The following TRIM55 variants were observed in gnomAD, a reference collection of about 807,000 sequenced individuals.
TRIM55 encodes the protein tripartite motif containing 55.
In TRIM55, 50 loss-of-function variants were observed where a neutral mutation model predicts 60.9. That is an observed-to-expected ratio of 0.82 (90% CI 0.65 to 1.04). The LOEUF is 1.04. Ranked by LOEUF, TRIM55 falls within the 50% of genes least tolerant of loss-of-function variation. TRIM55 has a pLI of 0.00. For synonymous variants in TRIM55, 237 were observed against 238.1 expected (o/e 1.00, Z 0.04); for missense variants, 681 against 666.9 (o/e 1.02, Z -0.23).
At chr8:66,124,439 C>T (rs954495631), upstream of TRIM55, among the ~76,000 whole-genome samples, 1 of 152,190 alleles carries the variant, frequency 6.6e-6, no homozygotes, top group African/African-American at 2.4e-5. Flanking sequence ...CTGAGATCCC[C>T]TGCATGCCTG....
upstream of TRIM55, among the ~76,000 whole-genome samples, chr8:66,121,986 A>C (rs1393589211): frequency 6.6e-6 from 1 of 152,160 alleles, no homozygotes; most frequent in African/African-American, 2.4e-5. Flanking sequence ...TTTGGGAGTG[A>C]ATAAAATGTT....
At chr8:66,127,551 G>C (rs992690184) in intron 1 of TRIM55, 115 bp downstream of exon 1, 30 of 1,302,640 alleles carry the variant, frequency 2.3e-5, no homozygotes, top group Admixed American at 9.7e-5. Flanking sequence ...AGGTTGCCGG[G>C]CGCTTTGGCT....
chr8:66,152,839 C>T (rs950144410), intron 8 of TRIM55, among the ~76,000 whole-genome samples: 3 of 151,384 alleles, frequency 2.0e-5, no homozygotes, highest in African/African-American at 7.3e-5. Flanking sequence ...TGTTAGTTAA[C>T]AAAATTTAAT....
intron 9 of TRIM55, among the ~76,000 whole-genome samples, chr8:66,156,907 A>C (rs1398033331): frequency 4.6e-5 from 7 of 152,174 alleles, no homozygotes; most frequent in Admixed American, 4.6e-4. Flanking sequence ...TCAGCTGCCC[A>C]ACTCCTTCAG....
intron 9 of TRIM55, among the ~76,000 whole-genome samples, chr8:66,168,299 ACCATGG>A (rs773293204): frequency 1.5e-4 from 23 of 152,174 alleles, no homozygotes; most frequent in East Asian, 1.9e-4. Context: ...GTTACTTCTC[ACCATGG>A]GTGACTGGCC....
At chr8:66,163,765 T>C (rs972264496) in intron 9 of TRIM55, among the ~76,000 whole-genome samples, 5 of 152,240 alleles carry the variant, frequency 3.3e-5, no homozygotes, top group East Asian at 1.9e-4. Flanking sequence ...TTGGGCATGG[T>C]GTTCTGTACC....
At chr8:66,168,137 C>G (rs1370113455) in intron 9 of TRIM55, among the ~76,000 whole-genome samples, 1 of 152,216 alleles carries the variant, frequency 6.6e-6, no homozygotes, top group Non-Finnish European at 1.5e-5. Context: ...TGTATTTTCA[C>G]AGCTCTACAT....
At chr8:66,132,562 A>G (rs930268912) in intron 2 of TRIM55, among the ~76,000 whole-genome samples, 4 of 152,222 alleles carry the variant, frequency 2.6e-5, no homozygotes, top group African/African-American at 7.2e-5. Flanking sequence ...CAGAGACCAG[A>G]GACAGCAGGC....
chr8:66,128,591 G>GA, intron 2 of TRIM55, 115 bp downstream of exon 2: 2 of 1,203,840 alleles, frequency 1.7e-6, no homozygotes, highest in Non-Finnish European at 1.1e-6. Flanking sequence ...CTGTTTTATG[G>GA]AAAAATGGTT....
upstream of TRIM55, among the ~76,000 whole-genome samples, chr8:66,123,210 A>G (rs1455778532): frequency 2.0e-5 from 3 of 152,180 alleles, no homozygotes; most frequent in African/African-American, 7.2e-5. Flanking sequence ...AAATCTACCT[A>G]TGACCTGGAA....
intron 4 of TRIM55, among the ~76,000 whole-genome samples, chr8:66,145,996 G>A (rs1810076179): frequency 6.6e-6 from 1 of 152,166 alleles, no homozygotes; most frequent in Admixed American, 6.5e-5. Context: ...GCTCTGCTGG[G>A]TTTCAGTTTC....
the TRIM55 span, among the ~76,000 whole-genome samples, chr8:66,114,208 T>C: frequency 2.1e-4 from 32 of 151,108 alleles, no homozygotes; most frequent in African/African-American, 2.4e-5. Context: ...GCTCAAATGG[T>C]AGAGCGCTCG....
At chr8:66,147,046 A>C (rs893210235) in intron 4 of TRIM55, among the ~76,000 whole-genome samples, 1 of 152,226 alleles carries the variant, frequency 6.6e-6, no homozygotes, top group Non-Finnish European at 1.5e-5. Flanking sequence ...AAAGGGTTGG[A>C]CAAAGATTCC....
intron 2 of TRIM55, among the ~76,000 whole-genome samples, chr8:66,134,608 C>G (rs959464219): frequency 6.6e-6 from 1 of 152,164 alleles, no homozygotes; most frequent in Non-Finnish European, 1.5e-5. Context: ...TGCTGGACCA[C>G]GTTCCTGATG....
intron 4 of TRIM55, among the ~76,000 whole-genome samples, chr8:66,139,156 A>G (rs1316440759): frequency 3.3e-5 from 5 of 152,214 alleles, no homozygotes; most frequent in African/African-American, 1.2e-4. Context: ...GCAAAATACA[A>G]TTTGGTCATA....
upstream of TRIM55, among the ~76,000 whole-genome samples, chr8:66,122,644 G>T (rs541786632): frequency 2.6e-5 from 4 of 152,248 alleles, no homozygotes; most frequent in East Asian, 7.7e-4. Flanking sequence ...CTCACTGATG[G>T]ATGCCCCTTC....
Position 66,149,645 on chromosome 8 carries a change from G to C in TRIM55, c.604G>C (p.Glu202Gln), listed in dbSNP as rs781317462. The C allele has an allele frequency of 3.7e-6, 6 of 1,611,640 alleles. No individual in the cohort carries two copies. The highest frequency in any genetic ancestry group is 5.1e-6 in the Non-Finnish European group (6 of 1,177,842). ...TAACATTAGCTAACCCAACTAATAG[G>C]AATGTTGCAGAAAACAGAAACAAGA... Reference protein sequence around the residue: ...QLEDTCKTIEECCRKQKQELC... With the variant: ...QLEDTCKTIEQCCRKQKQELC... Residue 202 changes from glutamate (E) to glutamine (Q), a missense_variant and splice_region_variant, in exon 5 of 10, where the codon GAA becomes CAA. Transcript: ENST00000315962.
rs888728943 is a variant in TRIM55 at position 66,149,725 on chromosome 8, A to G, written c.684A>G (p.Glu228=). The change falls in exon 5 of 10, where the codon GAA becomes GAG. Residue 228 remains glutamate (E), a synonymous_variant. Transcript: ENST00000315962. ...LYGILEERKN[E]MTQVITRTQE... is the part of the protein sequence containing the mutation. ...GCATTTTGGAGGAGAGGAAGAATGA[A>G]ATGACCCAAGTCATTACCCGAACCC... The G allele has an allele frequency of 5.6e-6, 9 of 1,614,196 alleles. No individual in the cohort carries two copies. The highest frequency in any genetic ancestry group is 1.7e-4 in the Middle Eastern group (1 of 6,060).
intron 9 of TRIM55, among the ~76,000 whole-genome samples, chr8:66,168,422 G>A (rs999872232): frequency 3.9e-5 from 6 of 152,274 alleles, no homozygotes; most frequent in Admixed American, 3.9e-4. Flanking sequence ...CCAATGCTTG[G>A]GCTTGGTCTT....
Sources: gnomAD v4.1 joint callset for allele counts (sites outside exome capture counted in the v4.1 genomes callset) on GRCh38, gnomAD v4.1.1 for gene constraint, MANE v1.5 for transcripts, NCBI Gene and HGNC (gene_info 2026-07-23, HGNC 2026-07-21) for gene names.